The following KDM4C variants were observed in gnomAD, a reference collection of about 807,000 sequenced individuals.
The protein encoded by KDM4C is lysine demethylase 4C, also known as lysine-specific demethylase 4C.
In KDM4C, 81 loss-of-function variants were observed where a neutral mutation model predicts 129.3. The observed-to-expected ratio is 0.63, with a 90% CI of 0.52 to 0.75. The LOEUF is 0.75. KDM4C is among the 30% of genes least tolerant of loss of function. The pLI, the probability that KDM4C is intolerant of heterozygous loss-of-function variation, is 0.00. For synonymous variants in KDM4C, 573 were observed against 456.1 expected (o/e 1.26, Z -3.26); for missense variants, 1,457 against 1,304.0 (o/e 1.12, Z -1.81).
At chr9:7,145,254 A>G (rs1434937964) in intron 19 of KDM4C, among the ~76,000 whole-genome samples, 2 of 152,128 alleles carry the variant, frequency 1.3e-5, no homozygotes, top group Non-Finnish European at 2.9e-5. Flanking sequence ...ATCCTTTTGC[A>G]TATTCTCTAT....
chr9:6,734,102 A>G lies in KDM4C; in HGVS notation c.49+13105A>G, dbSNP rs538012272. ...GCCCAGTGGGTCTCAGCCTTATTTT[A>G]CCAGCCCCTATTCAAGATGGAGTTG... On this transcript the variant is annotated intron_variant, in intron 1 of 17. Coordinates refer to the KDM4C transcript ENST00000536108. Among the ~76,000 whole-genome samples the G allele has an allele frequency of 2.4e-4, 37 of 152,092 alleles. No individual in the cohort carries two copies. The South Asian group carries it at 7.7e-3, about 32-fold the overall frequency.
At chr9:7,004,661 A>G (rs990772251) in intron 12 of KDM4C, among the ~76,000 whole-genome samples, 2 of 152,150 alleles carry the variant, frequency 1.3e-5, no homozygotes, top group African/African-American at 2.4e-5. Context: ...ATTACCATCA[A>G]TTATATTCAA....
chr9:6,947,175 G>A (rs12351930), intron 8 of KDM4C, among the ~76,000 whole-genome samples: 6,776 of 152,250 alleles, frequency 0.045, 259 homozygotes, highest in African/African-American at 0.1. Context: ...TTTCTCTGAA[G>A]AATGTCACCT....
At chr9:7,077,195 AAG>A in intron 17 of KDM4C, 2 of 985,366 alleles carry the variant, frequency 2.0e-6, no homozygotes, top group Non-Finnish European at 2.4e-6. Flanking sequence ...ATGCTGTGGG[AAG>A]AGAGGTCATT....
At chr9:7,017,897 A>T (rs1160592158) in intron 15 of KDM4C, among the ~76,000 whole-genome samples, 1 of 152,200 alleles carries the variant, frequency 6.6e-6, no homozygotes, top group Non-Finnish European at 1.5e-5. Flanking sequence ...TTTCTGGATG[A>T]TTTTATTGCT....
intron 19 of KDM4C, among the ~76,000 whole-genome samples, chr9:7,153,896 C>A (rs1564185159): frequency 6.6e-6 from 1 of 152,184 alleles, no homozygotes; most frequent in Non-Finnish European, 1.5e-5. Flanking sequence ...ACACTGCCTC[C>A]CCTTATGTGG....
At chr9:6,857,930 T>G (rs1840174841) in intron 5 of KDM4C, among the ~76,000 whole-genome samples, 1 of 147,792 alleles carries the variant, frequency 6.8e-6, no homozygotes, top group Non-Finnish European at 1.5e-5. Context: ...AAGTTTTTTT[T>G]TTTTTTTTTT....
intron 17 of KDM4C, among the ~76,000 whole-genome samples, chr9:7,090,268 C>T (rs1054304395): frequency 5.3e-5 from 8 of 152,140 alleles, no homozygotes; most frequent in Non-Finnish European, 1.2e-4. Context: ...CTTCTAGGAC[C>T]ATTTTTGACA....
intron 2 of KDM4C, among the ~76,000 whole-genome samples, chr9:6,798,666 G>A (rs1218086839): frequency 1.3e-5 from 2 of 152,194 alleles, no homozygotes; most frequent in African/African-American, 2.4e-5. Context: ...GCAACCATCC[G>A]ATTTCTCAGT....
intron 17 of KDM4C, among the ~76,000 whole-genome samples, chr9:7,081,942 A>G (rs1834569520): frequency 6.6e-6 from 1 of 152,110 alleles, no homozygotes; most frequent in African/African-American, 2.4e-5. Context: ...CCAGAGAGCT[A>G]GTTGCCGGCT....
chr9:6,895,934 A>G (rs1466134006), intron 8 of KDM4C, among the ~76,000 whole-genome samples: 1 of 152,162 alleles, frequency 6.6e-6, no homozygotes, highest in African/African-American at 2.4e-5. Context: ...ATTACCTTAC[A>G]TTATAGTAAG....
At chr9:7,166,313 G>A (rs1370578237) in intron 20 of KDM4C, among the ~76,000 whole-genome samples, 1 of 152,184 alleles carries the variant, frequency 6.6e-6, no homozygotes, top group African/African-American at 2.4e-5. Flanking sequence ...GTAAGATACT[G>A]CGTCAGGACC....
chr9:6,770,757 G>T, intron 1 of KDM4C, among the ~76,000 whole-genome samples: 1 of 110,306 alleles, frequency 9.1e-6, no homozygotes, highest in Non-Finnish European at 2.0e-5. Context: ...TGGTTTTTGC[G>T]ATTTTGATCC....
intron 8 of KDM4C, among the ~76,000 whole-genome samples, chr9:6,934,137 G>A (rs112743100): frequency 6.6e-6 from 1 of 151,476 alleles, no homozygotes; most frequent in Non-Finnish European, 1.5e-5. Flanking sequence ...ACAGGTGTGA[G>A]CCATTGCGCC....
chr9:6,963,805 T>G (rs1830431760), intron 8 of KDM4C, among the ~76,000 whole-genome samples: 1 of 152,226 alleles, frequency 6.6e-6, no homozygotes, highest in African/African-American at 2.4e-5. Flanking sequence ...GCTACCTATA[T>G]GTTTTTCTAC....
intron 1 of KDM4C, among the ~76,000 whole-genome samples, chr9:6,733,855 T>A (rs2130228278): frequency 6.6e-6 from 1 of 152,330 alleles, no homozygotes; most frequent in South Asian, 2.1e-4. Context: ...CCATATAGGT[T>A]AACTTCCTGA....
At chr9:7,133,204 T>C (rs578248568) in intron 19 of KDM4C, among the ~76,000 whole-genome samples, 1 of 152,350 alleles carries the variant, frequency 6.6e-6, no homozygotes, top group African/African-American at 2.4e-5. Flanking sequence ...ATATTAACTT[T>C]AGTATGTAGA....
intron 12 of KDM4C, among the ~76,000 whole-genome samples, chr9:6,994,811 A>G (rs1563951703): frequency 6.6e-6 from 1 of 152,248 alleles, no homozygotes; most frequent in Non-Finnish European, 1.5e-5. Context: ...TAAATTATAT[A>G]TTTAATATGT....
intron 17 of KDM4C, among the ~76,000 whole-genome samples, chr9:7,081,542 C>T (rs1834520830): frequency 6.6e-6 from 1 of 152,138 alleles, no homozygotes; most frequent in South Asian, 2.1e-4. Flanking sequence ...GTAGTGCTGC[C>T]CCATTGACTG....
Sources: gnomAD v4.1 joint callset for allele counts (sites outside exome capture counted in the v4.1 genomes callset) on GRCh38, gnomAD v4.1.1 for gene constraint, MANE v1.5 for transcripts, NCBI Gene and HGNC (gene_info 2026-07-23, HGNC 2026-07-21) for gene names.